The following IMPA2 variants were observed in gnomAD, a reference collection of about 807,000 sequenced individuals.
IMPA2 encodes inositol monophosphatase 2.
IMPA2 carries 32 observed loss-of-function variants against 35.1 expected under a neutral mutation model. The ratio of observed to expected loss-of-function variants is 0.91; its 90% CI spans 0.69 to 1.23. IMPA2 has a LOEUF of 1.23. IMPA2 is among the 50% of genes most tolerant of loss of function. The pLI is 0.00. For missense variants in IMPA2, 334 were observed against 387.6 expected, an observed-to-expected ratio of 0.86 and a Z score of 1.16; for synonymous variants, 135 against 160.6, an observed-to-expected ratio of 0.84 and a Z score of 1.20.
chr18:12,030,534 C>T lies in IMPA2; in HGVS notation c.*76C>T, dbSNP rs1213049017. On this transcript the variant is annotated 3_prime_UTR_variant, in exon 8 of 8. Coordinates refer to ENST00000269159, the MANE Select transcript of IMPA2 (RefSeq NM_014214.3). ...TCCTGGGGAGGTGGCCCTCGTGGCC[C>T]ACGCTCCATGCCAGTGGCTCACGCT... is the stretch of plus-strand genomic sequence containing the variant. The T allele has an allele frequency of 1.7e-6, 2 of 1,159,514 alleles. No homozygotes were observed. The highest frequency in any genetic ancestry group is 1.8e-5 in the Admixed American group (1 of 56,248). The allele number at this position is 1,159,514 out of a possible 1,614,324, so 71.8% of individuals were successfully genotyped here.
At chr18:12,017,229 C>A (rs886328993) in intron 5 of IMPA2, among the ~76,000 whole-genome samples, 1 of 152,194 alleles carries the variant, frequency 6.6e-6, no homozygotes, top group Non-Finnish European at 1.5e-5. Flanking sequence ...CAAAATGATG[C>A]CCCATGACCC....
intron 5 of IMPA2, among the ~76,000 whole-genome samples, chr18:12,016,810 G>A (rs914198814): frequency 3.3e-5 from 5 of 152,156 alleles, no homozygotes; most frequent in Non-Finnish European, 5.9e-5. Flanking sequence ...GGATGCTGAT[G>A]ATAATAAAAA....
Position 12,026,034 on chromosome 18 carries a change from A to AT in IMPA2, c.491-1992dup, listed in dbSNP as rs35644462. ...CCATATTATTATATTTCAAAAGAGC[A>AT]TTTTTTTTTTTTTTTTTGAGATGGA... On this transcript the variant is annotated intron_variant, in intron 5 of 7. Transcript: ENST00000269159. 4.3e-3 allele frequency among the ~76,000 whole-genome samples: 472 copies of AT among 109,850 alleles called. 2 individuals are homozygous for AT. Among genetic ancestry groups the AT allele is most frequent in the African/African-American group, 0.015 (450 of 30,046 alleles). 72.1% of individuals were successfully genotyped at this position (109,850 alleles called of 152,430 possible).
intron 6 of IMPA2, 114 bp from the exon 7 acceptor site, chr18:12,028,728 C>A: frequency 1.6e-6 from 2 of 1,241,492 alleles, no homozygotes; most frequent in Non-Finnish European, 2.2e-6. Flanking sequence ...AAGTGCTGTG[C>A]TTCATTTTTC....
At chr18:12,006,361 AGAAGCATGTG>A (rs1367040464) in intron 2 of IMPA2, among the ~76,000 whole-genome samples, 2 of 152,256 alleles carry the variant, frequency 1.3e-5, no homozygotes, top group Non-Finnish European at 2.9e-5. Context: ...CACCTGACCT[AGAAGCATGTG>A]GACAACTGAG....
intron 2 of IMPA2, chr18:12,008,400 C>G (rs1907337974): frequency 1.9e-6 from 1 of 518,220 alleles, no homozygotes; most frequent in Non-Finnish European, 3.9e-6. Context: ...CTCGGCAAGG[C>G]CACATAGTCA....
chr18:11,990,776 G>A lies in IMPA2; in HGVS notation c.97-8278G>A, dbSNP rs146940012. 2.8e-4 allele frequency among the ~76,000 whole-genome samples: 43 copies of A among 152,314 alleles called. No homozygotes were observed. The East Asian group carries it at 6.5e-3, about 23-fold the overall frequency. On this transcript the variant is annotated intron_variant, in intron 1 of 7. Transcript: ENST00000269159. Reference sequence around the variant, plus strand: ...TTGTGACGGCTCCAGCCGTGGGGTCGGCTCTGTTTAGCGATGGTGGACTTG... The same window carrying A: ...TTGTGACGGCTCCAGCCGTGGGGTCAGCTCTGTTTAGCGATGGTGGACTTG...
chr18:12,012,379 G>A, intron 4 of IMPA2, 164 bp downstream of exon 4: 1 of 669,446 alleles, frequency 1.5e-6, no homozygotes, highest in South Asian at 1.8e-5. Context: ...AAATAAACAA[G>A]TCCAGACTGG....
chr18:11,997,354 G>A (rs867961984), intron 1 of IMPA2, among the ~76,000 whole-genome samples: 2 of 152,234 alleles, frequency 1.3e-5, no homozygotes, highest in African/African-American at 2.4e-5. Flanking sequence ...CCTGGGCAGT[G>A]GGAGCTGGAG....
Position 12,009,973 on chromosome 18 carries a change from C to G in IMPA2, c.321C>G (p.Cys107Trp), listed in dbSNP as rs1366002127. 6.2e-7 allele frequency: 1 copy of G among 1,613,448 alleles called. No homozygotes were observed. The highest frequency in any genetic ancestry group is 1.3e-5 in the African/African-American group (1 of 74,926). The change falls in exon 3 of 8, where the codon TGC becomes TGG. Residue 107 changes from cysteine (C) to tryptophan (W), a missense_variant. Transcript: ENST00000269159. ...TCATCGACCCCATCGACGGCACCTG[C>G]AATTTTGTGCACAGGTGAGCTGAGC... ...TWIIDPIDGT[C>W]NFVHRFPTVA...
chr18:12,005,756 G>A lies in IMPA2; in HGVS notation c.231-4127G>A, dbSNP rs551213335. 4.3e-4 allele frequency among the ~76,000 whole-genome samples: 65 copies of A among 152,324 alleles called. No homozygotes were observed. The South Asian group carries it at 4.3e-3, about 10-fold the overall frequency. On this transcript the variant is annotated intron_variant, in intron 2 of 7. Coordinates refer to ENST00000269159, the MANE Select transcript of IMPA2 (RefSeq NM_014214.3). The stretch of plus-strand genomic sequence containing the variant: ...GCGTGGGTGGTCTGGGTGCTGCAGC[G>A]TGAGTTGTCCTGGGTGTGGAGTGTC...
At chr18:12,027,567 A>T (rs368823987) in intron 5 of IMPA2, among the ~76,000 whole-genome samples, 42 of 90,956 alleles carry the variant, frequency 4.6e-4, no homozygotes, top group Middle Eastern at 7.1e-3. Flanking sequence ...AATGATGGTG[A>T]TTTTTTTTTT....
intron 5 of IMPA2, among the ~76,000 whole-genome samples, chr18:12,019,470 G>A (rs1214914117): frequency 1.4e-5 from 2 of 145,550 alleles, no homozygotes; most frequent in Non-Finnish European, 3.0e-5. Context: ...GTTTCACCGT[G>A]TTGGCCAGGC....
chr18:12,007,096 C>G (rs1225559308), intron 2 of IMPA2, among the ~76,000 whole-genome samples: 1 of 151,922 alleles, frequency 6.6e-6, no homozygotes, highest in African/African-American at 2.4e-5. Context: ...CGCCATTGCA[C>G]TCCAGCCTGG....
At position 12,028,119 on chromosome 18, in the gene IMPA2, C is replaced by G. The variant is rs544708576; in HGVS notation, c.567C>G (p.Asn189Lys). 1 of 1,613,864 alleles carries G rather than the reference C, an allele frequency of 6.2e-7. No homozygotes were observed. Among genetic ancestry groups the G allele is most frequent in the African/African-American group, 1.3e-5 (1 of 75,042 alleles). Residue 189 changes from asparagine to lysine, a missense_variant, in exon 6 of 8, where the codon AAC becomes AAG. By Grantham distance (94) the Asn-to-Lys change is moderately conservative (BLOSUM62 0). Transcript: ENST00000269159. ...DPATLKLFLSNMERLLHAKAH... is the reference protein window; with the variant it reads ...DPATLKLFLSKMERLLHAKAH... ...CGACCCTGAAGCTGTTCCTGAGTAACATGGAGCGGCTGCTGCATGCCAAGG... is the reference window on the plus strand; with the variant it reads ...CGACCCTGAAGCTGTTCCTGAGTAAGATGGAGCGGCTGCTGCATGCCAAGG...
At chr18:12,017,279 C>T (rs1907604710) in intron 5 of IMPA2, among the ~76,000 whole-genome samples, 1 of 152,228 alleles carries the variant, frequency 6.6e-6, no homozygotes, top group Non-Finnish European at 1.5e-5. Context: ...TGTCCACCAG[C>T]TCCCGCCACC....
intron 1 of IMPA2, among the ~76,000 whole-genome samples, chr18:11,988,337 TA>T (rs955852789): frequency 1.3e-5 from 2 of 152,236 alleles, no homozygotes; most frequent in African/African-American, 4.8e-5. Flanking sequence ...TATTTGCTTT[TA>T]AAATGATGGT....
intron 1 of IMPA2, 68 bp downstream of exon 1, chr18:11,981,833 G>A: frequency 9.5e-7 from 1 of 1,052,842 alleles, no homozygotes; most frequent in Non-Finnish European, 1.2e-6. Context: ...GAGCCGCCTG[G>A]AGTGGCGGGG....
chr18:12,011,646 C>T, intron 3 of IMPA2, among the ~76,000 whole-genome samples: 1 of 152,240 alleles, frequency 6.6e-6, no homozygotes, highest in Non-Finnish European at 1.5e-5. Context: ...CACAAAACTG[C>T]AGGCAAACTG....
Sources: allele counts gnomAD v4.1 joint callset (sites outside exome capture counted in the v4.1 genomes callset), GRCh38; gene constraint gnomAD v4.1.1; transcripts MANE v1.5; gene names NCBI Gene and HGNC (gene_info 2026-07-23, HGNC 2026-07-21).